The following ACTR3 variants were observed in gnomAD, a reference collection of about 807,000 sequenced individuals.
ACTR3 encodes actin related protein 3, also known as actin-related protein 3.
Under a neutral mutation model 56.8 loss-of-function variants are expected in ACTR3, and 12 were observed. The ratio of observed to expected loss-of-function variants is 0.21; its 90% confidence interval spans 0.14 to 0.34. The LOEUF is 0.34. Ranked by LOEUF, ACTR3 falls within the 10% of genes least tolerant of loss-of-function variation. ACTR3 has a pLI of 1.00. For missense variants in ACTR3, 282 were observed against 512.5 expected (o/e 0.55, Z 4.34); for synonymous variants, 162 against 167.4 (o/e 0.97, Z 0.25).
intron 6 of ACTR3, among the ~76,000 whole-genome samples, chr2:113,935,226 C>T (rs1679805038): frequency 6.6e-6 from 1 of 150,432 alleles, no homozygotes; most frequent in Non-Finnish European, 1.5e-5. Flanking sequence ...ATTCATATAC[C>T]ATACAATTCA....
At chr2:113,901,394 T>C (rs1679097107) in intron 1 of ACTR3, among the ~76,000 whole-genome samples, 1 of 152,340 alleles carries the variant, frequency 6.6e-6, no homozygotes, top group Non-Finnish European at 1.5e-5. Context: ...AATTACCTTT[T>C]TGGGCTTTGG....
rs569027822 is a variant in ACTR3 at position 113,949,788 on chromosome 2, C to G, written c.859-1691C>G. ...ATGTTGCCCAGGCTGGTGTCAAACT[C>G]TGGGTCTCAAGCAATGGTCCTGCCT... On this transcript the variant is annotated intron_variant, in intron 8 of 11. Coordinates refer to ENST00000263238, the MANE Select transcript of ACTR3 (RefSeq NM_005721.5). Among the ~76,000 whole-genome samples the G allele has an allele frequency of 7.2e-5, 11 of 152,306 alleles. No homozygotes were observed. In the South Asian group the frequency reaches 2.1e-3, roughly 29 times the overall value.
chr2:113,890,612 C>A, intron 1 of ACTR3: 2 of 1,300,400 alleles, frequency 1.5e-6, no homozygotes, highest in Non-Finnish European at 1.9e-6. Context: ...CGGTGGGCAG[C>A]GCCGCCCAAA....
chr2:113,935,081 A>G (rs1353470777), intron 6 of ACTR3, among the ~76,000 whole-genome samples: 1 of 151,778 alleles, frequency 6.6e-6, no homozygotes, highest in African/African-American at 2.4e-5. Context: ...GCATCAGGCA[A>G]TGTCTGTTAA....
At chr2:113,956,840 A>T (rs533085723) in intron 11 of ACTR3, among the ~76,000 whole-genome samples, 1 of 152,318 alleles carries the variant, frequency 6.6e-6, no homozygotes, top group East Asian at 1.9e-4. Flanking sequence ...GGGCCATATA[A>T]CCTAGTTGAG....
chr2:113,896,502 A>C (rs940121643), intron 1 of ACTR3, among the ~76,000 whole-genome samples: 2 of 152,116 alleles, frequency 1.3e-5, no homozygotes, highest in Non-Finnish European at 2.9e-5. Context: ...GATTGGGACA[A>C]TAAGGGAGTT....
intron 1 of ACTR3, among the ~76,000 whole-genome samples, chr2:113,890,966 C>T (rs914748963): frequency 6.6e-6 from 1 of 152,100 alleles, no homozygotes; most frequent in Admixed American, 6.5e-5. Flanking sequence ...CATTTTAATT[C>T]GAGGGAGAAA....
rs1249477773 is a variant in ACTR3 at position 113,951,809 on chromosome 2, G to A, written c.1041G>A (p.Leu347=). Residue 347 remains leucine (L), a synonymous_variant, in exon 10 of 12, where the codon CTG becomes CTA. Coordinates refer to ENST00000263238, the MANE Select transcript of ACTR3 (RefSeq NM_005721.5). ...TGAAAAGAACTGTAGATGCCCGGCT[G>A]AAATTAAGTGAGGAATTGAGTGGTG... is the stretch of plus-strand genomic sequence containing the variant. ...RDLKRTVDAR[L]KLSEELSGGR... The A allele has an allele frequency of 1.9e-6, 3 of 1,613,474 alleles. No homozygotes were observed. Among genetic ancestry groups the A allele is most frequent in the East Asian group, 2.2e-5 (1 of 44,878 alleles).
intron 1 of ACTR3, among the ~76,000 whole-genome samples, chr2:113,896,730 T>G (rs1252206758): frequency 6.6e-6 from 1 of 152,190 alleles, no homozygotes. Flanking sequence ...TTAAAAAAAT[T>G]GTGGATATGT....
In ACTR3 at chr2:113,915,853, A is replaced by G. The variant is rs141802671; in HGVS notation, c.101-1031A>G. Among the ~76,000 whole-genome samples the G allele has an allele frequency of 5.1e-4, 77 of 152,264 alleles. 1 individual carries two copies. The East Asian group carries it at 0.013, about 26-fold the overall frequency. On this transcript the variant is annotated intron_variant, in intron 2 of 11. Coordinates refer to ENST00000263238, the MANE Select transcript of ACTR3 (RefSeq NM_005721.5). ...GATTTTTGAGTGTTTTTTCTCACCC[A>G]CCCAGTTTTAATGCTGCAGGTACAG...
rs781093420 is a variant in ACTR3 at position 113,958,372 on chromosome 2, T to G, written c.*917T>G. ...AGTTAGCAAGCTGACTTTTGTAATG[T>G]GCTCAATACAAATACTTGTGAACTT... On this transcript the variant is annotated 3_prime_UTR_variant, in exon 12 of 12. Transcript: ENST00000263238. 4 of 152,602 alleles carry G rather than the reference T, an allele frequency of 2.6e-5. No individual in the cohort carries two copies. Among genetic ancestry groups the G allele is most frequent in the Admixed American group, 1.3e-4 (2 of 15,260 alleles). 9.5% of individuals were successfully genotyped at this position (152,602 alleles called of 1,614,324 possible).
chr2:113,906,695 T>G (rs1047389939), intron 1 of ACTR3, among the ~76,000 whole-genome samples: 1 of 152,154 alleles, frequency 6.6e-6, no homozygotes, highest in Non-Finnish European at 1.5e-5. Flanking sequence ...GGATATCCAG[T>G]TTTCCAGCAC....
intron 7 of ACTR3, 152 bp downstream of exon 7, chr2:113,940,254 G>C: frequency 1.7e-6 from 1 of 590,876 alleles, no homozygotes; most frequent in Non-Finnish European, 2.6e-6. Flanking sequence ...CATTTTCTTT[G>C]TGTTTCTTAA....
intron 3 of ACTR3, among the ~76,000 whole-genome samples, chr2:113,918,523 T>C (rs1679449454): frequency 6.6e-6 from 1 of 151,958 alleles, no homozygotes; most frequent in Non-Finnish European, 1.5e-5. Flanking sequence ...TAGCTTGGAA[T>C]ACAGATGCAT....
At chr2:113,937,486 C>T (rs1679850800) in intron 6 of ACTR3, among the ~76,000 whole-genome samples, 1 of 152,206 alleles carries the variant, frequency 6.6e-6, no homozygotes, top group South Asian at 2.1e-4. Context: ...CACCTAGTAT[C>T]ATTTTCCTTC....
chr2:113,954,906 T>G (rs1680184911), intron 10 of ACTR3: 2 of 152,124 alleles, frequency 1.3e-5, no homozygotes, highest in South Asian at 4.1e-4. Context: ...TGTTTATACA[T>G]CTATATCTAA....
At chr2:113,903,064 A>G (rs1203603821) in intron 1 of ACTR3, among the ~76,000 whole-genome samples, 2 of 152,262 alleles carry the variant, frequency 1.3e-5, no homozygotes, top group Non-Finnish European at 2.9e-5. Context: ...AACTGTGGTT[A>G]CTATGCTATA....
chr2:113,914,822 T>G (rs1457162242), intron 2 of ACTR3, among the ~76,000 whole-genome samples: 2 of 152,196 alleles, frequency 1.3e-5, no homozygotes, highest in Admixed American at 1.3e-4. Context: ...AATACTTCTT[T>G]AAAACCCAGA....
chr2:113,959,539 T>C lies in ACTR3; in HGVS notation c.*2084T>C, dbSNP rs549439175. 3 of 152,220 alleles carry C rather than the reference T, an allele frequency of 2.0e-5. No individual in the cohort carries two copies. The highest frequency in any genetic ancestry group is 6.5e-5 in the Admixed American group (1 of 15,278). The allele number at this position is 152,220 out of a possible 1,614,324, so 9.4% of individuals were successfully genotyped here. ...ACAAAAACATGAAGATCAAAAACTT[T>C]CTTGAAGCTTACGCTTAACTTATTT... On this transcript the variant is annotated 3_prime_UTR_variant, in exon 12 of 12. Coordinates refer to ENST00000263238, the MANE Select transcript of ACTR3 (RefSeq NM_005721.5).
Sources: gnomAD v4.1 joint callset for allele counts (sites outside exome capture counted in the v4.1 genomes callset) on GRCh38, gnomAD v4.1.1 for gene constraint, MANE v1.5 for transcripts, NCBI Gene and HGNC (gene_info 2026-07-23, HGNC 2026-07-21) for gene names.